FBRSL1: variants seen among roughly 807,000 people sequenced by gnomAD.
FBRSL1 encodes the protein fibrosin like 1.
In FBRSL1, 51 loss-of-function variants were observed where a neutral mutation model predicts 89.6. That is an observed-to-expected ratio of 0.57 (90% CI 0.45 to 0.72). The LOEUF (loss-of-function observed/expected upper bound fraction) is 0.72, where lower values mean the gene tolerates loss of function less well. Among genes scored for constraint, FBRSL1 ranks in the 30% least tolerant of loss-of-function variants. FBRSL1 has a pLI of 0.00. For synonymous variants in FBRSL1, 779 were observed against 681.1 expected (o/e 1.14, Z -2.24); for missense variants, 1,618 against 1,451.8 (o/e 1.11, Z -1.86).
intron 2 of FBRSL1, among the ~76,000 whole-genome samples, chr12:132,513,495 C>A (rs2034557578): frequency 6.6e-6 from 1 of 152,150 alleles, no homozygotes. Flanking sequence ...GCCTCAGGAA[C>A]CCCTCTGGAG....
At chr12:132,579,202 TTC>T (rs2040584945) in intron 15 of FBRSL1, among the ~76,000 whole-genome samples, 1 of 152,206 alleles carries the variant, frequency 6.6e-6, no homozygotes, top group Non-Finnish European at 1.5e-5. Context: ...GGCAGGATGA[TTC>T]CTTGTTGCTC....
chr12:132,572,534 C>G lies in FBRSL1; in HGVS notation c.1442C>G (p.Pro481Arg), dbSNP rs748369293. 6 of 1,550,858 alleles carry G rather than the reference C, an allele frequency of 3.9e-6. No homozygotes were observed. The African/African-American group carries it at 8.2e-5, about 21-fold the overall frequency. The change falls in exon 11 of 19, where the codon CCG becomes CGG. Residue 481 changes from proline (P) to arginine (R), a missense_variant. Pro to Arg is a moderately radical substitution (Grantham distance 103, BLOSUM62 -2). Coordinates refer to ENST00000680143, the MANE Select transcript of FBRSL1 (RefSeq NM_001367871.1). ...GCTCTCCTTCTCTTACAGTTCTTCC[C>G]GTCCTTCCCTCCTGCCATCCCGGGA... ...YFRHSSVSFF[P>R]SFPPAIPGLP...
intron 5 of FBRSL1, chr12:132,551,145 C>T (rs971453537): frequency 2.0e-5 from 7 of 343,710 alleles, no homozygotes; most frequent in Admixed American, 3.8e-5. Context: ...GCAGAATTCC[C>T]GGCTCTGAGA....
chr12:132,572,262 C>T, intron 9 of FBRSL1, 26 bp from the exon 10 acceptor site: 1 of 1,549,508 alleles, frequency 6.5e-7, no homozygotes, highest in South Asian at 1.2e-5. Context: ...TGTGCGGGGC[C>T]TCACCCTCCT....
rs182056333 is a variant in FBRSL1 at position 132,555,270 on chromosome 12, T to C, written c.645+7238T>C. Among the ~76,000 whole-genome samples the C allele has an allele frequency of 1.9e-3, 286 of 151,480 alleles. 1 individual carries two copies. The highest frequency in any genetic ancestry group is 6.6e-3 in the African/African-American group (270 of 41,136). ...GCTGTGGTGTATCTCTGGAGGGGGG[T>C]CACGGCTTTCTCTGGCAGGCAGCAT... is the stretch of plus-strand genomic sequence containing the variant. On this transcript the variant is annotated intron_variant, in intron 5 of 18. Coordinates refer to ENST00000680143, the MANE Select transcript of FBRSL1 (RefSeq NM_001367871.1).
intron 1 of FBRSL1, among the ~76,000 whole-genome samples, chr12:132,502,336 G>T (rs113430770): frequency 2.3e-4 from 35 of 152,322 alleles, no homozygotes; most frequent in African/African-American, 8.2e-4. Context: ...CATCTTCCCT[G>T]GTGCCACCTC....
In FBRSL1 at chr12:132,508,147, C is replaced by G. The variant is rs2033909472; in HGVS notation, c.292-6C>G. The G allele has an allele frequency of 6.4e-7, 1 of 1,550,834 alleles. No homozygotes were observed. The highest frequency in any genetic ancestry group is 8.7e-7 in the Non-Finnish European group (1 of 1,146,872). ...AATTAACTGGCGTTTCCCTGTCTCC[C>G]TGCAGAAGGATATGGCCCTGAAGCC... On this transcript the variant is annotated splice_region_variant and splice_polypyrimidine_tract_variant and intron_variant, in intron 1 of 18. Transcript: ENST00000680143.
chr12:132,507,271 A>C, intron 1 of FBRSL1: 1 of 985,324 alleles, frequency 1.0e-6, no homozygotes, highest in Non-Finnish European at 1.2e-6. Context: ...CCCCGAGAGG[A>C]TTCTGTCCTT....
chr12:132,516,796 G>T (rs1194721757), intron 2 of FBRSL1, among the ~76,000 whole-genome samples: 1 of 152,210 alleles, frequency 6.6e-6, no homozygotes, highest in South Asian at 2.1e-4. Context: ...TGGCTTTGTT[G>T]TGGAATCTGT....
intron 14 of FBRSL1, among the ~76,000 whole-genome samples, chr12:132,575,082 CA>C (rs1256998844): frequency 2.0e-5 from 3 of 152,104 alleles, no homozygotes; most frequent in Non-Finnish European, 4.4e-5. Context: ...GAGGCCAGGA[CA>C]GGGGGACTGT....
chr12:132,561,276 GCCCCAGCCGCGCGGCCCGTGCGGAAGA>G (rs1434987522), intron 5 of FBRSL1, among the ~76,000 whole-genome samples: 3 of 152,214 alleles, frequency 2.0e-5, no homozygotes, highest in African/African-American at 7.2e-5. Context: ...GTGCTGGATG[GCCCCAGCCGCGCGGCCCGTGCGGAAGA>G]CCCTCCCCTT....
intron 1 of FBRSL1, among the ~76,000 whole-genome samples, chr12:132,491,818 A>G (rs1326546100): frequency 6.6e-6 from 1 of 152,242 alleles, no homozygotes; most frequent in Non-Finnish European, 1.5e-5. Context: ...GCCGGTGGCC[A>G]GGGAAGTGGC....
chr12:132,540,427 G>A (rs1004527650), intron 4 of FBRSL1, among the ~76,000 whole-genome samples: 16 of 148,804 alleles, frequency 1.1e-4, no homozygotes, highest in East Asian at 4.1e-4. Flanking sequence ...CTGAGAGTGC[G>A]CCCAGCTGGT....
Position 132,498,493 on chromosome 12 carries a change from C to A in FBRSL1, c.291+7632C>A, listed in dbSNP as rs770500309. 3.1e-3 allele frequency among the ~76,000 whole-genome samples: 471 copies of A among 152,358 alleles called. 2 individuals carry two copies. The highest frequency in any genetic ancestry group is 0.01 in the African/African-American group (432 of 41,598). ...TAGCCCTCCACTCTCATCCTACAGACCCTCCAGGGAAATGAGGAGGATGGG... is the reference window on the plus strand; with the variant it reads ...TAGCCCTCCACTCTCATCCTACAGAACCTCCAGGGAAATGAGGAGGATGGG... On this transcript the variant is annotated intron_variant, in intron 1 of 18. Transcript: ENST00000680143.
rs758144671 is a variant in FBRSL1 at position 132,572,281 on chromosome 12, C to T, written c.1378-7C>T. On this transcript the variant is annotated splice_region_variant and splice_polypyrimidine_tract_variant and intron_variant, in intron 9 of 18. Coordinates refer to ENST00000680143, the MANE Select transcript of FBRSL1 (RefSeq NM_001367871.1). Reference sequence around the variant, plus strand: ...CGGGGCCTCACCCTCCTCTCCTTCCCTTCCAGTTTGACAAGTATGCGCCCA... The same window carrying T: ...CGGGGCCTCACCCTCCTCTCCTTCCTTTCCAGTTTGACAAGTATGCGCCCA... 5.5e-5 allele frequency: 86 copies of T among 1,550,822 alleles called. No individual in the cohort carries two copies. Among genetic ancestry groups the T allele is most frequent in the Non-Finnish European group, 7.2e-5 (83 of 1,146,656 alleles).
intron 5 of FBRSL1, among the ~76,000 whole-genome samples, chr12:132,561,280 C>T (rs1175099397): frequency 1.3e-5 from 2 of 152,218 alleles, no homozygotes; most frequent in African/African-American, 4.8e-5. Flanking sequence ...TGGATGGCCC[C>T]AGCCGCGCGG....
At chr12:132,538,180 A>C (rs562711157) in intron 4 of FBRSL1, among the ~76,000 whole-genome samples, 2 of 152,244 alleles carry the variant, frequency 1.3e-5, no homozygotes, top group African/African-American at 4.8e-5. Context: ...CCTGAGACGG[A>C]AGGGGCCTGG....
chr12:132,524,768 C>CT (rs2035646465), intron 2 of FBRSL1, among the ~76,000 whole-genome samples: 1 of 152,192 alleles, frequency 6.6e-6, no homozygotes, highest in African/African-American at 2.4e-5. Flanking sequence ...GCAGGGGCGT[C>CT]CCTGCTGGGC....
chr12:132,573,677 G>A (rs1235328061), intron 11 of FBRSL1, among the ~76,000 whole-genome samples: 1 of 152,150 alleles, frequency 6.6e-6, no homozygotes, highest in East Asian at 1.9e-4. Context: ...AGGGGGCTGT[G>A]GTGTGATGGC....
Sources: allele counts gnomAD v4.1 joint callset (sites outside exome capture counted in the v4.1 genomes callset), GRCh38; gene constraint gnomAD v4.1.1; transcripts MANE v1.5; gene names NCBI Gene and HGNC (gene_info 2026-07-23, HGNC 2026-07-21).